Variants in ARID3A observed in about 807,000 individuals in gnomAD.
The protein encoded by ARID3A is AT-rich interactive domain-containing protein 3A.
ARID3A carries 11 observed loss-of-function variants against 52.7 expected under a neutral mutation model. The ratio of observed to expected loss-of-function variants is 0.21; its 90% CI spans 0.13 to 0.35. The LOEUF is 0.35. ARID3A is among the 10% of genes least tolerant of loss of function. The pLI is 1.00. For synonymous variants in ARID3A, 404 were observed against 359.4 expected (o/e 1.12, Z -1.40); for missense variants, 721 against 838.5 (o/e 0.86, Z 1.73).
intron 3 of ARID3A, among the ~76,000 whole-genome samples, chr19:934,164 G>A (rs535310446): frequency 3.3e-4 from 51 of 152,252 alleles, no homozygotes; most frequent in Admixed American, 1.4e-3. Flanking sequence ...GGAGCCGGAC[G>A]GAGACCTCCA....
In ARID3A at chr19:959,665, C is replaced by T. The variant is rs938155637; in HGVS notation, c.694-427C>T. Among the ~76,000 whole-genome samples, 1 of 152,042 alleles carries T rather than the reference C, an allele frequency of 6.6e-6. No individual in the cohort carries two copies. Among genetic ancestry groups the T allele is most frequent in the African/African-American group, 2.4e-5 (1 of 41,392 alleles). On this transcript the variant is annotated intron_variant, in intron 3 of 8. Coordinates refer to ENST00000263620, the MANE Select transcript of ARID3A (RefSeq NM_005224.3). This position sits in a 1 kb window ranked among gnomAD's most constrained non-coding sequence, Gnocchi z 5.0. ...GTGTGGCTGTAAGGGAGTTAAGGAT[C>T]GATTTGAGATGAGGTGGCCCTAAAA...
chr19:935,037 A>T (rs1046513041), intron 3 of ARID3A, among the ~76,000 whole-genome samples: 5 of 151,980 alleles, frequency 3.3e-5, no homozygotes, highest in African/African-American at 9.7e-5. Flanking sequence ...AGTCAGTGTT[A>T]CCTCCCGCCC....
At chr19:935,891 C>T (rs536146744) in intron 3 of ARID3A, among the ~76,000 whole-genome samples, 50 of 152,122 alleles carry the variant, frequency 3.3e-4, no homozygotes, top group Non-Finnish European at 5.9e-4. Context: ...CCCGGGTTCA[C>T]GCCATTCTCC....
In ARID3A at chr19:938,932, T is replaced by C. The variant is rs1344579856; in HGVS notation, c.693+6190T>C. Among the ~76,000 whole-genome samples, 24 of 100,288 alleles carry C rather than the reference T, an allele frequency of 2.4e-4. No individual in the cohort carries two copies. Among genetic ancestry groups the C allele is most frequent in the East Asian group, 3.4e-4 (1 of 2,968 alleles). 65.8% of individuals were successfully genotyped at this position (100,288 alleles called of 152,430 possible). On this transcript the variant is annotated intron_variant, in intron 3 of 8. Transcript: ENST00000263620. The surrounding 1 kb of genome is among the most constrained non-coding windows in gnomAD (Gnocchi z 4.0). ...CATAGATACATTATTTTATCTCTCT[T>C]TTTTTTTTTTTTTTTTGAGACGGAG...
intron 2 of ARID3A, among the ~76,000 whole-genome samples, chr19:931,774 T>C (rs1029598055): frequency 1.1e-4 from 17 of 151,136 alleles, no homozygotes; most frequent in Admixed American, 3.3e-4. Context: ...GATTGCGCCG[T>C]TGCACTCCAG....
intron 3 of ARID3A, among the ~76,000 whole-genome samples, chr19:934,572 G>C (rs2037400879): frequency 6.6e-6 from 1 of 152,188 alleles, no homozygotes; most frequent in Non-Finnish European, 1.5e-5. Context: ...GGTATTCCTG[G>C]AGATCCTGCC....
intron 3 of ARID3A, among the ~76,000 whole-genome samples, chr19:936,113 G>A (rs2037434111): frequency 6.6e-6 from 1 of 152,236 alleles, no homozygotes; most frequent in African/African-American, 2.4e-5. Flanking sequence ...TACACGCACA[G>A]GCGGTTAATC....
chr19:936,094 A>T (rs1373182097), intron 3 of ARID3A, among the ~76,000 whole-genome samples: 2 of 152,126 alleles, frequency 1.3e-5, no homozygotes, highest in Non-Finnish European at 2.9e-5. Flanking sequence ...CCGGCCCGTG[A>T]TGGGATTTTA....
In ARID3A at chr19:964,265, A is replaced by C; in HGVS notation, c.784A>C (p.Ile262Leu). Residue 262 changes from isoleucine to leucine, a missense_variant, in exon 5 of 9, where the codon ATC becomes CTC. Ile to Leu is a conservative substitution (Grantham distance 5). Coordinates refer to ENST00000263620, the MANE Select transcript of ARID3A (RefSeq NM_005224.3). The surrounding 1 kb of genome is among the most constrained non-coding windows in gnomAD (Gnocchi z 5.7). ...TCCCCCAGGGACACCTGTGAACCGC[A>C]TCCCCATCATGGCCAAACAGGTCCT... ...MQKRGTPVNR[I>L]PIMAKQVLDL... The C allele has an allele frequency of 6.2e-7, 1 of 1,613,282 alleles. No individual in the cohort carries two copies. The highest frequency in any genetic ancestry group is 8.5e-7 in the Non-Finnish European group (1 of 1,179,410).
At chr19:966,328 G>A (rs1201393395) in intron 6 of ARID3A, among the ~76,000 whole-genome samples, 6 of 151,392 alleles carry the variant, frequency 4.0e-5, no homozygotes, top group African/African-American at 9.7e-5. Flanking sequence ...GCGTGGTGGC[G>A]GGTGCCTGTT....
At position 972,687 on chromosome 19, in the gene ARID3A, T is replaced by G. The variant is rs1220844690; in HGVS notation, c.*622T>G. ...TTCGGGGGTTTTGTTGTGTAAATATTCTATTTTATTCTTGGGGGGATCAAA... is the reference window on the plus strand; with the variant it reads ...TTCGGGGGTTTTGTTGTGTAAATATGCTATTTTATTCTTGGGGGGATCAAA... On this transcript the variant is annotated 3_prime_UTR_variant, in exon 9 of 9. Coordinates refer to ENST00000263620, the MANE Select transcript of ARID3A (RefSeq NM_005224.3). 4.7e-6 allele frequency: 1 copy of G among 214,830 alleles called. No individual in the cohort carries two copies. The highest frequency in any genetic ancestry group is 9.4e-6 in the Non-Finnish European group (1 of 106,610). 13.3% of individuals were successfully genotyped at this position (214,830 alleles called of 1,614,324 possible). A position where few individuals can be genotyped will look rare whatever the true frequency, so the allele number is the denominator to read the frequency against.
rs140069627 is a variant in ARID3A, at chr19:930,602, C to T, written c.368+706C>T. On this transcript the variant is annotated intron_variant, in intron 2 of 8. Coordinates refer to ENST00000263620, the MANE Select transcript of ARID3A (RefSeq NM_005224.3). ...TCAGCTCACTGCAACCTCCTCCTCC[C>T]GGGTTCACACCATTCTCCTGCCTCA... 9.9e-3 allele frequency among the ~76,000 whole-genome samples: 1,486 copies of T among 149,894 alleles called. 56 individuals carry two copies. The highest frequency in any genetic ancestry group is 0.078 in the East Asian group (375 of 4,834).
At chr19:931,807 C>T (rs1651064234) in intron 2 of ARID3A, among the ~76,000 whole-genome samples, 2 of 150,364 alleles carry the variant, frequency 1.3e-5, no homozygotes, top group African/African-American at 4.9e-5. Flanking sequence ...AGCGAGACTC[C>T]CTCTCAAAAA....
rs755142736 is a variant in ARID3A, at chr19:966,876, C to T, written c.1495+8C>T. ...TTCGGATCAACAGCCAAGGTACTGC[C>T]CTCGTGCCCAGACCCGCTGTGCTTC... On this transcript the variant is annotated splice_region_variant and intron_variant, in intron 7 of 8. Coordinates refer to ENST00000263620, the MANE Select transcript of ARID3A (RefSeq NM_005224.3). The T allele has an allele frequency of 1.3e-4, 206 of 1,597,078 alleles. No homozygotes were observed. The highest frequency in any genetic ancestry group is 1.7e-4 in the Non-Finnish European group (198 of 1,168,302).
chr19:966,943 T>TA, intron 7 of ARID3A, 75 bp downstream of exon 7: 1 of 1,457,170 alleles, frequency 6.9e-7, no homozygotes, highest in Non-Finnish European at 9.1e-7. Flanking sequence ...CCTACATATG[T>TA]AAAGAGTGCC....
chr19:953,531 C>T (rs926304217), intron 3 of ARID3A, among the ~76,000 whole-genome samples: 1 of 152,304 alleles, frequency 6.6e-6, no homozygotes, highest in Admixed American at 6.5e-5. Flanking sequence ...AGCGTCTTCC[C>T]TCCATCCCCA....
chr19:930,924 C>CT (rs1270908040), intron 2 of ARID3A, among the ~76,000 whole-genome samples: 1 of 152,160 alleles, frequency 6.6e-6, no homozygotes, highest in Non-Finnish European at 1.5e-5. Context: ...CGTGTGGGTC[C>CT]CCCCAGGGCT....
chr19:936,501 G>A (rs1041769490), intron 3 of ARID3A, among the ~76,000 whole-genome samples: 2 of 151,914 alleles, frequency 1.3e-5, no homozygotes, highest in African/African-American at 4.8e-5. Context: ...CCGTGATCGC[G>A]CCACCACACT....
In ARID3A at chr19:941,182, A is replaced by G. The variant is rs369847546; in HGVS notation, c.693+8440A>G. The stretch of plus-strand genomic sequence containing the variant: ...GCCCGAGGGAGCGGTGCCCGCAGGC[A>G]GAGAGTGTCCCCGCGTGGTGCCTGG... On this transcript the variant is annotated intron_variant, in intron 3 of 8. Transcript: ENST00000263620. The surrounding 1 kb of genome is among the most constrained non-coding windows in gnomAD (Gnocchi z 6.9). Among the ~76,000 whole-genome samples the G allele has an allele frequency of 1.3e-5, 2 of 152,316 alleles. No individual in the cohort carries two copies. Among genetic ancestry groups the G allele is most frequent in the East Asian group, 3.9e-4 (2 of 5,174 alleles).
Sources: allele counts gnomAD v4.1 joint callset (sites outside exome capture counted in the v4.1 genomes callset), GRCh38; gene constraint gnomAD v4.1.1; non-coding constraint Gnocchi (gnomAD v3.1); transcripts MANE v1.5; gene names NCBI Gene and HGNC (gene_info 2026-07-23, HGNC 2026-07-21).